Variants in YIPF1 observed in about 807,000 individuals in gnomAD.
YIPF1 encodes protein YIPF1.
YIPF1 carries 22 observed loss-of-function variants against 37.0 expected under a neutral mutation model. The observed-to-expected ratio is 0.59, with a 90% CI of 0.42 to 0.85. The LOEUF (loss-of-function observed/expected upper bound fraction) is 0.85, where lower values mean the gene tolerates loss of function less well. Among genes scored for constraint, YIPF1 ranks in the 40% least tolerant of loss-of-function variants. The pLI is 0.00. For missense variants in YIPF1, 355 were observed against 373.1 expected, an observed-to-expected ratio of 0.95 and a Z score of 0.40; for synonymous variants, 128 against 131.9, an observed-to-expected ratio of 0.97 and a Z score of 0.21.
chr1:53,874,569 C>G (rs1650286081), intron 6 of YIPF1, among the ~76,000 whole-genome samples: 1 of 151,960 alleles, frequency 6.6e-6, no homozygotes, highest in Non-Finnish European at 1.5e-5. Context: ...GAGTTTGAGA[C>G]CAGCCTGGCC....
intron 4 of YIPF1, among the ~76,000 whole-genome samples, chr1:53,879,795 G>A (rs1053044191): frequency 5.9e-5 from 9 of 152,178 alleles, no homozygotes; most frequent in Non-Finnish European, 1.2e-4. Flanking sequence ...GAGTGAAAGC[G>A]GTGAATGAAT....
At chr1:53,879,758 G>A (rs1650439476) in intron 4 of YIPF1, among the ~76,000 whole-genome samples, 1 of 152,216 alleles carries the variant, frequency 6.6e-6, no homozygotes, top group Non-Finnish European at 1.5e-5. Context: ...ATTAGAAGTA[G>A]CTGTGGTCTG....
intron 9 of YIPF1, among the ~76,000 whole-genome samples, chr1:53,860,596 T>C (rs1649844957): frequency 6.6e-6 from 1 of 152,226 alleles, no homozygotes; most frequent in Admixed American, 6.5e-5. Context: ...TTCTTCATCT[T>C]TGTGTCACCA....
chr1:53,887,982 C>T (rs1261154048), intron 3 of YIPF1, among the ~76,000 whole-genome samples: 1 of 152,220 alleles, frequency 6.6e-6, no homozygotes. Flanking sequence ...AATCCCAGCA[C>T]TTTGGAAGGC....
chr1:53,856,430 T>C (rs930670892), intron 10 of YIPF1, among the ~76,000 whole-genome samples: 3 of 152,186 alleles, frequency 2.0e-5, no homozygotes, highest in Admixed American at 6.5e-5. Context: ...CAGGAAACTG[T>C]TGCCATTGTG....
At chr1:53,866,140 T>A in intron 9 of YIPF1, 60 bp downstream of exon 9, 1 of 1,570,642 alleles carries the variant, frequency 6.4e-7, no homozygotes, top group Non-Finnish European at 8.7e-7. Flanking sequence ...TCTAACAGTT[T>A]GAGGTCTTTT....
chr1:53,853,244 A>G (rs1649639990), intron 10 of YIPF1, among the ~76,000 whole-genome samples: 1 of 152,212 alleles, frequency 6.6e-6, no homozygotes, highest in Admixed American at 6.5e-5. Context: ...AATACAGAAA[A>G]TATTATTTAT....
At chr1:53,861,145 AGAT>A (rs1239012405) in intron 9 of YIPF1, among the ~76,000 whole-genome samples, 4 of 152,214 alleles carry the variant, frequency 2.6e-5, no homozygotes, top group Non-Finnish European at 5.9e-5. Flanking sequence ...AAAAGTTTCC[AGAT>A]GATGTCTTTC....
At chr1:53,867,666 CACTG>C (rs1197502775) in intron 7 of YIPF1, among the ~76,000 whole-genome samples, 7 of 152,180 alleles carry the variant, frequency 4.6e-5, no homozygotes, top group Admixed American at 4.6e-4. Flanking sequence ...GCCCGGCTGA[CACTG>C]ACTTCTTTAG....
At chr1:53,885,425 T>C (rs1650619094) in intron 3 of YIPF1, among the ~76,000 whole-genome samples, 2 of 152,150 alleles carry the variant, frequency 1.3e-5, no homozygotes, top group African/African-American at 4.8e-5. Flanking sequence ...GGAGAATCGC[T>C]TGAACCCAGG....
rs951751546 is a variant in YIPF1 at position 53,851,856 on chromosome 1, G to A, written c.*423C>T. 2 of 152,176 alleles carry A rather than the reference G, an allele frequency of 1.3e-5. No homozygotes were observed. The highest frequency in any genetic ancestry group is 3.9e-4 in the East Asian group (2 of 5,192). The allele number at this position is 152,176 out of a possible 1,614,324, so 9.4% of individuals were successfully genotyped here. On this transcript the variant is annotated 3_prime_UTR_variant, in exon 11 of 11. Transcript: ENST00000072644. ...TTCTACTGTTCGGCTACTTCAGGAT[G>A]GCTAACATTTGGAGAGAAGAGGATC...
chr1:53,881,142 A>G (rs945764367), intron 4 of YIPF1, among the ~76,000 whole-genome samples: 1 of 150,420 alleles, frequency 6.6e-6, no homozygotes, highest in Non-Finnish European at 1.5e-5. Context: ...ACGTGCCTGT[A>G]GTCCCAGCTG....
intron 3 of YIPF1, 48 bp downstream of exon 3, chr1:53,888,859 G>A (rs761671799): frequency 6.6e-7 from 1 of 1,521,800 alleles, no homozygotes; most frequent in South Asian, 1.2e-5. Flanking sequence ...TGCTGTGACT[G>A]TAGCAACAGT....
intron 3 of YIPF1, among the ~76,000 whole-genome samples, chr1:53,888,301 A>G (rs1347727012): frequency 2.0e-5 from 3 of 152,204 alleles, no homozygotes; most frequent in African/African-American, 7.2e-5. Flanking sequence ...GAGTCCTAAT[A>G]TCTCCTTGAA....
intron 6 of YIPF1, among the ~76,000 whole-genome samples, chr1:53,872,910 C>T (rs1043917012): frequency 2.6e-5 from 4 of 152,102 alleles, no homozygotes; most frequent in African/African-American, 9.7e-5. Context: ...AGTGACCACA[C>T]ATAAGAGTGG....
At chr1:53,884,959 G>A (rs1650605719) in intron 3 of YIPF1, among the ~76,000 whole-genome samples, 5 of 152,180 alleles carry the variant, frequency 3.3e-5, no homozygotes, top group Admixed American at 3.3e-4. Context: ...ACACTAAAGT[G>A]ACTGAAATTA....
intron 3 of YIPF1, among the ~76,000 whole-genome samples, chr1:53,888,465 C>A (rs1650714710): frequency 1.3e-5 from 2 of 152,192 alleles, no homozygotes; most frequent in South Asian, 4.1e-4. Flanking sequence ...GGTTCCTGGT[C>A]ACAACCAGGA....
At chr1:53,872,122 TA>T (rs1195377935) in intron 6 of YIPF1, among the ~76,000 whole-genome samples, 1 of 151,014 alleles carries the variant, frequency 6.6e-6, no homozygotes, top group East Asian at 1.9e-4. Flanking sequence ...AATTAAAAAT[TA>T]AAAAAAGTAA....
At chr1:53,870,329 C>G (rs982101990) in intron 7 of YIPF1, among the ~76,000 whole-genome samples, 3 of 151,620 alleles carry the variant, frequency 2.0e-5, no homozygotes, top group Non-Finnish European at 4.4e-5. Context: ...CACCACCATA[C>G]CCGGTAACTT....
Sources: gnomAD v4.1 joint callset for allele counts (sites outside exome capture counted in the v4.1 genomes callset) on GRCh38, gnomAD v4.1.1 for gene constraint, MANE v1.5 for transcripts, NCBI Gene and HGNC (gene_info 2026-07-23, HGNC 2026-07-21) for gene names.